The following ITPRID1 variants were observed in gnomAD, a reference collection of about 807,000 sequenced individuals.
ITPRID1 encodes protein ITPRID1.
ITPRID1 carries 96 observed loss-of-function variants against 95.4 expected under a neutral mutation model. That is an observed-to-expected ratio of 1.01 (90% CI 0.85 to 1.19). The LOEUF is 1.19. Ranked by LOEUF, ITPRID1 falls within the 50% of genes most tolerant of loss-of-function variation. The pLI, the probability that ITPRID1 is intolerant of heterozygous loss-of-function variation, is 0.00. For missense variants in ITPRID1, 1,339 were observed against 1,252.9 expected (o/e 1.07, Z -1.04); for synonymous variants, 510 against 453.6 (o/e 1.12, Z -1.58).
At chr7:31,648,038 T>G (rs924070268) in intron 12 of ITPRID1, among the ~76,000 whole-genome samples, 5 of 152,188 alleles carry the variant, frequency 3.3e-5, no homozygotes, top group Non-Finnish European at 7.3e-5. Context: ...AATTTGTTAA[T>G]TTTAAAAAGT....
intron 10 of ITPRID1, among the ~76,000 whole-genome samples, chr7:31,625,461 T>C (rs543386147): frequency 6.6e-6 from 1 of 152,290 alleles, no homozygotes; most frequent in South Asian, 2.1e-4. Context: ...GATGAGTTCA[T>C]GTCCTTTGTA....
In ITPRID1 at chr7:31,652,640, G is replaced by T. The variant is rs1791065076; in HGVS notation, c.2946G>T (p.Arg982Ser). The change falls in exon 15 of 15, where the codon AGG (arginine) becomes AGT (serine). Residue 982 changes from arginine to serine, a missense_variant. Coordinates refer to ENST00000615280, the MANE Select transcript of ITPRID1 (RefSeq NM_001257967.3). ...CSKIHPGMAP[R>S]TVFPPDDGQE... is the part of the protein sequence containing the mutation. ...AAATCCACCCAGGCATGGCCCCGAGGACTGTGTTTCCTCCCGATGATGGCC... is the reference window on the plus strand; with the variant it reads ...AAATCCACCCAGGCATGGCCCCGAGTACTGTGTTTCCTCCCGATGATGGCC... 9 of 1,613,850 alleles carry T rather than the reference G, an allele frequency of 5.6e-6. No homozygotes were observed. Among genetic ancestry groups the T allele is most frequent in the Non-Finnish European group, 7.6e-6 (9 of 1,179,840 alleles).
intron 10 of ITPRID1, among the ~76,000 whole-genome samples, chr7:31,599,203 G>A (rs7777851): frequency 0.15 from 23,547 of 152,114 alleles, 2,465 homozygotes; most frequent in East Asian, 0.36. Flanking sequence ...ATTATGTATC[G>A]TACTCATAAA....
chr7:31,539,188 GT>G (rs1480776961), intron 1 of ITPRID1, among the ~76,000 whole-genome samples: 1 of 151,922 alleles, frequency 6.6e-6, no homozygotes, highest in Non-Finnish European at 1.5e-5. Context: ...TTTTGTTTTT[GT>G]TTTTGTTTAT....
chr7:31,641,441 T>C (rs1790008356), intron 10 of ITPRID1, among the ~76,000 whole-genome samples: 1 of 152,008 alleles, frequency 6.6e-6, no homozygotes, highest in South Asian at 2.1e-4. Context: ...GAGCCTATAC[T>C]GTGGTATAAC....
At chr7:31,525,781 A>G (rs1783404901) in intron 1 of ITPRID1, among the ~76,000 whole-genome samples, 1 of 152,196 alleles carries the variant, frequency 6.6e-6, no homozygotes, top group African/African-American at 2.4e-5. Context: ...GGGCCACTCA[A>G]TCTCATGCTA....
intron 10 of ITPRID1, among the ~76,000 whole-genome samples, chr7:31,602,793 T>G (rs1468462199): frequency 6.6e-6 from 1 of 152,124 alleles, no homozygotes; most frequent in African/African-American, 2.4e-5. Flanking sequence ...GGAAGTATTT[T>G]CTATCCTGCT....
intron 8 of ITPRID1, among the ~76,000 whole-genome samples, chr7:31,575,521 G>A (rs778087252): frequency 1.4e-4 from 21 of 152,188 alleles, no homozygotes; most frequent in Non-Finnish European, 2.2e-4. Context: ...ATGCTTTGCA[G>A]CGTAATAGGT....
chr7:31,632,820 G>A (rs1789133567), intron 10 of ITPRID1, among the ~76,000 whole-genome samples: 1 of 152,124 alleles, frequency 6.6e-6, no homozygotes, highest in Non-Finnish European at 1.5e-5. Context: ...AGCCTGAAAA[G>A]CCTGCCCTGT....
intron 1 of ITPRID1, among the ~76,000 whole-genome samples, chr7:31,521,310 G>A (rs1783242247): frequency 1.3e-5 from 2 of 151,778 alleles, no homozygotes; most frequent in Admixed American, 1.3e-4. Flanking sequence ...TAATTCTCTT[G>A]GGATCTCTTC....
At chr7:31,582,213 T>G (rs1299208103) in intron 9 of ITPRID1, among the ~76,000 whole-genome samples, 1 of 152,214 alleles carries the variant, frequency 6.6e-6, no homozygotes, top group Non-Finnish European at 1.5e-5. Context: ...AGTAAACTAA[T>G]GTACTTCCTG....
chr7:31,574,684 C>T lies in ITPRID1; in HGVS notation c.540C>T (p.Ile180=), dbSNP rs557590580. ...GCGSAARGIN[I]RVFLEAQKQR... ...GCTCAGCAGCCAGAGGAATCAACAT[C>T]CGTGTTTTTCTTGAAGCTCAAAAGC... Residue 180 remains isoleucine (I), a synonymous_variant, in exon 8 of 15, where the codon ATC becomes ATT. Coordinates refer to ENST00000615280, the MANE Select transcript of ITPRID1 (RefSeq NM_001257967.3). The T allele has an allele frequency of 6.2e-7, 1 of 1,613,880 alleles. No homozygotes were observed. Among genetic ancestry groups the T allele is most frequent in the African/African-American group, 1.3e-5 (1 of 75,026 alleles).
intron 10 of ITPRID1, among the ~76,000 whole-genome samples, chr7:31,598,398 C>CTTTTTTT (rs869161999): frequency 7.5e-5 from 8 of 106,832 alleles, no homozygotes; most frequent in South Asian, 3.1e-4. Context: ...TTTTTTTTTT[C>CTTTTTTT]TTTTTTTTTT....
chr7:31,554,589 G>A, intron 4 of ITPRID1, 66 bp downstream of exon 4: 1 of 1,593,212 alleles, frequency 6.3e-7, no homozygotes, highest in Non-Finnish European at 8.6e-7. Context: ...AACAATGTGT[G>A]TAACTCTGCC....
At chr7:31,624,943 C>T (rs1441096964) in intron 10 of ITPRID1, among the ~76,000 whole-genome samples, 5 of 152,060 alleles carry the variant, frequency 3.3e-5, no homozygotes, top group Non-Finnish European at 7.4e-5. Flanking sequence ...ACAAACAACC[C>T]CATCAAAAAG....
At chr7:31,622,785 C>T (rs1788039731) in intron 10 of ITPRID1, among the ~76,000 whole-genome samples, 1 of 151,920 alleles carries the variant, frequency 6.6e-6, no homozygotes, top group South Asian at 2.1e-4. Context: ...AATAGAGACA[C>T]AAAAAACCCT....
intron 13 of ITPRID1, among the ~76,000 whole-genome samples, chr7:31,651,638 T>G (rs1211741626): frequency 6.6e-6 from 1 of 152,150 alleles, no homozygotes; most frequent in Non-Finnish European, 1.5e-5. Flanking sequence ...GGCATACGGG[T>G]TTTTCTTGGG....
Position 31,554,530 on chromosome 7 carries a change from G to A in ITPRID1, c.212+7G>A. The A allele has an allele frequency of 1.2e-6, 2 of 1,612,610 alleles. No homozygotes were observed. The highest frequency in any genetic ancestry group is 1.3e-5 in the African/African-American group (1 of 74,996). On this transcript the variant is annotated splice_region_variant and intron_variant, in intron 4 of 14. Transcript: ENST00000615280. Reference sequence around the variant, plus strand: ...GGCTGGACTCTGGATTCTTGTAAGTGTTTTTGTGTGTGTGTGCCTTACATG... The same window carrying A: ...GGCTGGACTCTGGATTCTTGTAAGTATTTTTGTGTGTGTGTGCCTTACATG...
At chr7:31,600,116 A>G (rs1283105241) in intron 10 of ITPRID1, among the ~76,000 whole-genome samples, 3 of 152,262 alleles carry the variant, frequency 2.0e-5, no homozygotes, top group African/African-American at 7.2e-5. Flanking sequence ...AAATATGTAA[A>G]TGAAGCAATT....
Sources: gnomAD v4.1 joint callset for allele counts (sites outside exome capture counted in the v4.1 genomes callset) on GRCh38, gnomAD v4.1.1 for gene constraint, MANE v1.5 for transcripts, NCBI Gene and HGNC (gene_info 2026-07-23, HGNC 2026-07-21) for gene names.